ZCCHC4: variants seen among roughly 807,000 people sequenced by gnomAD.
ZCCHC4 encodes the protein rRNA N(6)-adenosine-methyltransferase ZCCHC4.
Under a neutral mutation model 67.7 loss-of-function variants are expected in ZCCHC4, and 54 were observed. The ratio of observed to expected loss-of-function variants is 0.80; its 90% CI spans 0.64 to 1.00. The LOEUF (loss-of-function observed/expected upper bound fraction) is 1.00, where lower values mean the gene tolerates loss of function less well. Ranked by LOEUF, ZCCHC4 falls within the 50% of genes least tolerant of loss-of-function variation. The pLI, the probability that ZCCHC4 is intolerant of heterozygous loss-of-function variation, is 0.00. For missense variants in ZCCHC4, 609 were observed against 617.0 expected (o/e 0.99, Z 0.14); for synonymous variants, 198 against 213.5 (o/e 0.93, Z 0.63).
chr4:25,360,107 C>G (rs1720667885), intron 8 of ZCCHC4, among the ~76,000 whole-genome samples: 1 of 152,224 alleles, frequency 6.6e-6, no homozygotes, highest in Admixed American at 6.5e-5. Context: ...AGTTTGCCTT[C>G]ATGGGAGGAT....
intron 8 of ZCCHC4, among the ~76,000 whole-genome samples, chr4:25,358,543 C>T (rs538339517): frequency 3.9e-5 from 6 of 152,210 alleles, no homozygotes; most frequent in Admixed American, 2.0e-4. Flanking sequence ...CATAACAAAT[C>T]TCTTTAATAA....
At chr4:25,368,969 A>C in intron 12 of ZCCHC4, 60 bp from the exon 13 acceptor site, 1 of 1,545,476 alleles carries the variant, frequency 6.5e-7, no homozygotes, top group African/African-American at 1.4e-5. Flanking sequence ...TTAAACTTCA[A>C]CATAATTACA....
intron 12 of ZCCHC4, chr4:25,365,612 T>G (rs982843960): frequency 1.0e-6 from 1 of 986,210 alleles, no homozygotes; most frequent in African/African-American, 1.7e-5. Context: ...GAGAAAGCTA[T>G]TTCTTTGTAT....
Position 25,348,188 on chromosome 4 carries a change from A to G in ZCCHC4, c.760-1304A>G, listed in dbSNP as rs933300323. Among the ~76,000 whole-genome samples the G allele has an allele frequency of 2.6e-5, 4 of 152,268 alleles. No individual in the cohort carries two copies. The South Asian group carries it at 8.3e-4, about 32-fold the overall frequency. ...CCAGACAGCACTTGAAAAATGATTA[A>G]CCTTCTTGACAAGTCATCCTCTGCT... On this transcript the variant is annotated intron_variant, in intron 6 of 12. Coordinates refer to ENST00000302874, the MANE Select transcript of ZCCHC4 (RefSeq NM_024936.3).
Position 25,317,239 on chromosome 4 carries a change from G to T in ZCCHC4, c.329+1839G>T, listed in dbSNP as rs138270742. Among the ~76,000 whole-genome samples the T allele has an allele frequency of 7.4e-4, 113 of 152,224 alleles. 1 individual carries two copies. The East Asian group carries it at 0.021, about 28-fold the overall frequency. The stretch of plus-strand genomic sequence containing the variant: ...TTAGACTAAGCACAGAGGAGTACTG[G>T]GGTGTATTTATAATATTTTTCCTGA... On this transcript the variant is annotated intron_variant, in intron 3 of 12. Coordinates refer to ENST00000302874, the MANE Select transcript of ZCCHC4 (RefSeq NM_024936.3).
chr4:25,353,742 GTGGCAATATATC>G (rs1720405180), intron 8 of ZCCHC4, among the ~76,000 whole-genome samples: 1 of 152,160 alleles, frequency 6.6e-6, no homozygotes, highest in Non-Finnish European at 1.5e-5. Context: ...TTAAATGAAT[GTGGCAATATATC>G]TGTCTTTTAA....
chr4:25,346,675 T>C (rs1720037616), intron 6 of ZCCHC4, among the ~76,000 whole-genome samples: 1 of 152,166 alleles, frequency 6.6e-6, no homozygotes, highest in African/African-American at 2.4e-5. Context: ...TTGGGATATA[T>C]ATTAATATTT....
At position 25,364,502 on chromosome 4, in the gene ZCCHC4, C is replaced by A. The variant is rs377288465; in HGVS notation, c.1258C>A (p.Pro420Thr). ...CTTTCTCTGTAAAAAGTGTGTAAAG[C>A]CTTGTAAGTATTGAGACTTAGTGTT... Reference protein sequence around the residue: ...HCFLCKKCVKPSWIHCSICNH... With the variant: ...HCFLCKKCVKTSWIHCSICNH... Residue 420 changes from proline to threonine, a missense_variant, in exon 11 of 13, where the codon CCT becomes ACT. By Grantham distance (38) the Pro-to-Thr change is conservative (BLOSUM62 -1). Transcript: ENST00000302874. 2.2e-5 allele frequency: 34 copies of A among 1,557,276 alleles called. No homozygotes were observed. The Middle Eastern group carries it at 5.1e-4, about 23-fold the overall frequency.
chr4:25,312,817 C>T lies in ZCCHC4; in HGVS notation c.8C>T (p.Ala3Val), dbSNP rs893330879. ...CGGGACGGCGGCGGGAAGATGGCGGCCTCCAGGAATGGGTTTGAAGCCGTG... is the reference window on the plus strand; with the variant it reads ...CGGGACGGCGGCGGGAAGATGGCGGTCTCCAGGAATGGGTTTGAAGCCGTG... MA[A>V]SRNGFEAVEA... The change falls in exon 1 of 13, where the codon GCC becomes GTC. Residue 3 changes from alanine to valine, a missense_variant. By Grantham distance (64) the Ala-to-Val change is moderately conservative (BLOSUM62 0). Coordinates refer to ENST00000302874, the MANE Select transcript of ZCCHC4 (RefSeq NM_024936.3). 2 of 1,613,194 alleles carry T rather than the reference C, an allele frequency of 1.2e-6. No individual in the cohort carries two copies. Among genetic ancestry groups the T allele is most frequent in the South Asian group, 1.1e-5 (1 of 91,022 alleles).
At chr4:25,363,743 T>C (rs866102449) in intron 10 of ZCCHC4, among the ~76,000 whole-genome samples, 3 of 152,234 alleles carry the variant, frequency 2.0e-5, no homozygotes, top group African/African-American at 2.4e-5. Context: ...ATGCCCAGAC[T>C]GTATAGTTTA....
intron 3 of ZCCHC4, among the ~76,000 whole-genome samples, chr4:25,323,852 C>T (rs1219694995): frequency 6.6e-6 from 1 of 152,198 alleles, no homozygotes; most frequent in Non-Finnish European, 1.5e-5. Flanking sequence ...AGTTAATGAA[C>T]ATACTATTAC....
rs1720887387 is a variant in ZCCHC4 at position 25,365,039 on chromosome 4, A to G, written c.1279A>G (p.Ile427Val). 6.2e-7 allele frequency: 1 copy of G among 1,614,126 alleles called. No homozygotes were observed. ...CVKPSWIHCSICNHCAVPDHS... is the reference protein window; with the variant it reads ...CVKPSWIHCSVCNHCAVPDHS... ...TTTTACAGCCTGGATCCACTGTAGC[A>G]TCTGCAATCACTGTGCTGTTCCAGA... is the stretch of plus-strand genomic sequence containing the variant. Residue 427 changes from isoleucine to valine, a missense_variant, in exon 12 of 13, where the codon ATC (isoleucine) becomes GTC (valine). Physicochemically the swap from Ile to Val is conservative, Grantham distance 29. Transcript: ENST00000302874.
chr4:25,365,776 T>G, intron 12 of ZCCHC4: 1 of 985,470 alleles, frequency 1.0e-6, no homozygotes, highest in Non-Finnish European at 1.2e-6. Context: ...TGACAATAGC[T>G]TATTTAGAAG....
chr4:25,335,063 C>T (rs1313490497), intron 5 of ZCCHC4, among the ~76,000 whole-genome samples: 3 of 152,132 alleles, frequency 2.0e-5, no homozygotes, highest in African/African-American at 7.2e-5. Context: ...TCAAGCAGTC[C>T]TCCTGCCTTG....
chr4:25,368,900 G>A (rs1235946319), intron 12 of ZCCHC4, 129 bp from the exon 13 acceptor site: 3 of 1,133,136 alleles, frequency 2.6e-6, no homozygotes, highest in Non-Finnish European at 3.6e-6. Flanking sequence ...GAGGATTTAT[G>A]CTTGCAATAC....
At chr4:25,326,561 T>G (rs990424204) in intron 3 of ZCCHC4, among the ~76,000 whole-genome samples, 3 of 152,228 alleles carry the variant, frequency 2.0e-5, no homozygotes, top group Non-Finnish European at 4.4e-5. Flanking sequence ...TAGGTATATC[T>G]TTACATAAAT....
At chr4:25,329,533 C>CTTTT (rs56340221) in intron 3 of ZCCHC4, among the ~76,000 whole-genome samples, 29 of 127,116 alleles carry the variant, frequency 2.3e-4, no homozygotes, top group Non-Finnish European at 2.7e-4. Context: ...TTATATTTTC[C>CTTTT]TTTTTTTTTT....
At chr4:25,315,733 A>G (rs1458910201) in intron 3 of ZCCHC4, among the ~76,000 whole-genome samples, 1 of 146,554 alleles carries the variant, frequency 6.8e-6, no homozygotes, top group Non-Finnish European at 1.5e-5. Flanking sequence ...TTTTTTTGAG[A>G]CAGGGTCTCA....
Position 25,365,085 on chromosome 4 carries a change from A to T in ZCCHC4, c.1325A>T (p.Lys442Ile). The T allele has an allele frequency of 6.2e-7, 1 of 1,614,224 alleles. No homozygotes were observed. Among genetic ancestry groups the T allele is most frequent in the Non-Finnish European group, 8.5e-7 (1 of 1,180,030 alleles). Residue 442 changes from lysine to isoleucine, a missense_variant, in exon 12 of 13, where the codon AAA (lysine) becomes ATA (isoleucine). Physicochemically the swap from Lys to Ile is moderately radical, Grantham distance 102. Transcript: ENST00000302874. Reference protein sequence around the residue: ...AVPDHSCEGPKHGCFICGELD... With the variant: ...AVPDHSCEGPIHGCFICGELD... ...CCAGATCATTCTTGTGAGGGCCCCA[A>T]ACATGGCTGCTTTATTTGTGGTGAA...
Sources: gnomAD v4.1 joint callset for allele counts (sites outside exome capture counted in the v4.1 genomes callset) on GRCh38, gnomAD v4.1.1 for gene constraint, MANE v1.5 for transcripts, NCBI Gene and HGNC (gene_info 2026-07-23, HGNC 2026-07-21) for gene names.